KCNMA1: variants seen among roughly 807,000 people sequenced by gnomAD.
The protein encoded by KCNMA1 is potassium calcium-activated channel subfamily M alpha 1, also known as Calcium-activated potassium channel subunit alpha-1.
A neutral mutation model predicts 140.0 loss-of-function variants in KCNMA1; 29 were observed. The observed-to-expected ratio is 0.21, with a 90% CI of 0.15 to 0.28. The LOEUF (loss-of-function observed/expected upper bound fraction) is 0.28. Ranked by LOEUF, KCNMA1 falls within the 10% of genes least tolerant of loss-of-function variation. The pLI, the probability that KCNMA1 is intolerant of heterozygous loss-of-function variation, is 1.00. For synonymous variants in KCNMA1, 612 were observed against 611.9 expected (o/e 1.00, Z 0.00); for missense variants, 880 against 1,602.2 (o/e 0.55, Z 7.70).
At chr10:77,239,454 G>A (rs1001400273) in intron 3 of KCNMA1, among the ~76,000 whole-genome samples, 5 of 152,170 alleles carry the variant, frequency 3.3e-5, no homozygotes, top group Non-Finnish European at 7.3e-5. Context: ...TGGGTGTGAT[G>A]AGCAACATGA....
chr10:77,195,634 C>T (rs1354191508), intron 3 of KCNMA1, among the ~76,000 whole-genome samples: 1 of 151,892 alleles, frequency 6.6e-6, no homozygotes, highest in Non-Finnish European at 1.5e-5. Flanking sequence ...AATTAGGTTT[C>T]CCCTGCCCAT....
At chr10:77,142,211 AC>A (rs935963327) in intron 5 of KCNMA1, among the ~76,000 whole-genome samples, 89 of 150,484 alleles carry the variant, frequency 5.9e-4, no homozygotes, top group African/African-American at 1.8e-3. Flanking sequence ...ACTAAAAAAT[AC>A]AAAAAAAAAT....
At chr10:77,479,836 T>A (rs1422209965) in intron 1 of KCNMA1, among the ~76,000 whole-genome samples, 2 of 152,174 alleles carry the variant, frequency 1.3e-5, no homozygotes, top group East Asian at 3.8e-4. Flanking sequence ...CTAGGACAAG[T>A]TGTTTAACCT....
intron 3 of KCNMA1, among the ~76,000 whole-genome samples, chr10:77,187,704 G>A (rs1375951834): frequency 1.3e-5 from 2 of 152,192 alleles, no homozygotes; most frequent in African/African-American, 4.8e-5. Context: ...CATATAGGAT[G>A]AGTGATCGGG....
intron 23 of KCNMA1, among the ~76,000 whole-genome samples, chr10:76,937,827 T>C (rs1363261244): frequency 6.6e-6 from 1 of 152,078 alleles, no homozygotes; most frequent in Non-Finnish European, 1.5e-5. Context: ...GAAAGGAGGG[T>C]GTCCGCTTAT....
intron 2 of KCNMA1, among the ~76,000 whole-genome samples, chr10:77,344,025 C>T (rs1260310520): frequency 1.3e-5 from 2 of 152,230 alleles, no homozygotes; most frequent in Non-Finnish European, 2.9e-5. Context: ...ACAGTCTCTT[C>T]AGTGCCATCA....
chr10:77,520,146 G>T (rs1396526628), intron 1 of KCNMA1, among the ~76,000 whole-genome samples: 12 of 49,456 alleles, frequency 2.4e-4, no homozygotes, highest in African/African-American at 9.5e-4. Context: ...AGGGTGTGCA[G>T]TGTGAGGTCT....
chr10:77,432,748 A>G (rs980908219), intron 1 of KCNMA1, among the ~76,000 whole-genome samples: 1 of 152,006 alleles, frequency 6.6e-6, no homozygotes, highest in African/African-American at 2.4e-5. Context: ...GGTCCCACTC[A>G]AAAAAAACAA....
At chr10:77,610,397 T>A (rs960480115) in intron 1 of KCNMA1, among the ~76,000 whole-genome samples, 4 of 151,618 alleles carry the variant, frequency 2.6e-5, no homozygotes, top group African/African-American at 9.7e-5. Context: ...TGACCCTCAC[T>A]GTGCATATCC....
chr10:76,972,615 A>G (rs2076388388), intron 19 of KCNMA1, among the ~76,000 whole-genome samples: 1 of 152,294 alleles, frequency 6.6e-6, no homozygotes, highest in African/African-American at 2.4e-5. Flanking sequence ...CAAAGAAACT[A>G]TTTATTTTCA....
intron 1 of KCNMA1, among the ~76,000 whole-genome samples, chr10:77,415,259 A>G (rs1240201472): frequency 6.6e-6 from 1 of 152,256 alleles, no homozygotes; most frequent in Non-Finnish European, 1.5e-5. Flanking sequence ...GTATTTGTAA[A>G]ATAACAATCT....
chr10:77,068,700 G>GTGTGTGTGTC (rs1219290638), intron 14 of KCNMA1, among the ~76,000 whole-genome samples: 1 of 138,654 alleles, frequency 7.2e-6, no homozygotes, highest in Non-Finnish European at 1.5e-5. Context: ...TCCAGGTTTT[G>GTGTGTGTGTC]TGTGTGTGTG....
intron 2 of KCNMA1, among the ~76,000 whole-genome samples, chr10:77,307,554 A>G (rs1439921826): frequency 6.6e-6 from 1 of 152,182 alleles, no homozygotes; most frequent in Non-Finnish European, 1.5e-5. Context: ...AGGCTAAGCC[A>G]TGATGTTCAG....
At chr10:77,636,775 T>C in intron 1 of KCNMA1, 1 of 1,458,746 alleles carries the variant, frequency 6.9e-7, no homozygotes, top group South Asian at 1.4e-5. Flanking sequence ...GATTTTTCCC[T>C]TCTTTCTGAC....
chr10:77,012,605 C>A, intron 17 of KCNMA1: 1 of 1,434,236 alleles, frequency 7.0e-7, no homozygotes, highest in South Asian at 1.2e-5. Context: ...GTTCCTCTGT[C>A]AAACCCCCTC....
chr10:77,063,350 G>A (rs1037304262), intron 14 of KCNMA1, among the ~76,000 whole-genome samples: 3 of 152,058 alleles, frequency 2.0e-5, no homozygotes, highest in African/African-American at 4.8e-5. Flanking sequence ...GGGCTGCAGC[G>A]GCTGGGTTGC....
intron 2 of KCNMA1, among the ~76,000 whole-genome samples, chr10:77,292,893 TC>T (rs1448673117): frequency 6.6e-6 from 1 of 152,206 alleles, no homozygotes; most frequent in African/African-American, 2.4e-5. Flanking sequence ...TAAGAACAGT[TC>T]CTGATCATGT....
intron 6 of KCNMA1, among the ~76,000 whole-genome samples, chr10:77,113,969 C>T (rs1043384910): frequency 6.6e-6 from 1 of 152,192 alleles, no homozygotes; most frequent in Non-Finnish European, 1.5e-5. Context: ...TCCTACATAG[C>T]TCCCTACTTA....
chr10:77,081,268 T>C (rs1187681677), intron 12 of KCNMA1, among the ~76,000 whole-genome samples: 1 of 152,198 alleles, frequency 6.6e-6, no homozygotes, highest in Non-Finnish European at 1.5e-5. Flanking sequence ...GTACCTGCTT[T>C]ATTTACTTCA....
Sources: gnomAD v4.1 joint callset for allele counts (sites outside exome capture counted in the v4.1 genomes callset) on GRCh38, gnomAD v4.1.1 for gene constraint, MANE v1.5 for transcripts, NCBI Gene and HGNC (gene_info 2026-07-23, HGNC 2026-07-21) for gene names.